Variants in PPP2R2C observed in about 807,000 individuals in gnomAD.
PPP2R2C encodes the protein protein phosphatase 2, regulatory subunit B, gamma.
PPP2R2C carries 10 observed loss-of-function variants against 45.3 expected under a neutral mutation model. The ratio of observed to expected loss-of-function variants is 0.22; its 90% CI spans 0.14 to 0.37. The LOEUF (loss-of-function observed/expected upper bound fraction) is 0.37, where lower values mean the gene tolerates loss of function less well. Among genes scored for constraint, PPP2R2C ranks in the 10% least tolerant of loss-of-function variants. The pLI is 1.00. For synonymous variants in PPP2R2C, 257 were observed against 245.4 expected (o/e 1.05, Z -0.44); for missense variants, 308 against 619.7 (o/e 0.50, Z 5.34).
At chr4:6,412,106 C>G (rs1718237441) in intron 1 of PPP2R2C, among the ~76,000 whole-genome samples, 1 of 152,206 alleles carries the variant, frequency 6.6e-6, no homozygotes, top group African/African-American at 2.4e-5. Flanking sequence ...ACAAAGGAGC[C>G]TGGCAAATCC....
At chr4:6,557,330 G>A (rs565722070) in intron 1 of PPP2R2C, among the ~76,000 whole-genome samples, 1 of 151,994 alleles carries the variant, frequency 6.6e-6, no homozygotes, top group Non-Finnish European at 1.5e-5. Flanking sequence ...CGAGAACACA[G>A]ATGAGTTCTT....
intron 1 of PPP2R2C, among the ~76,000 whole-genome samples, chr4:6,399,636 C>A (rs1288067123): frequency 6.6e-6 from 1 of 152,226 alleles, no homozygotes; most frequent in African/African-American, 2.4e-5. Flanking sequence ...GAAGCCATAG[C>A]CAGCGTGGGC....
chr4:6,396,225 T>C (rs1717024809), intron 1 of PPP2R2C, among the ~76,000 whole-genome samples: 2 of 152,162 alleles, frequency 1.3e-5, no homozygotes, highest in African/African-American at 4.8e-5. Flanking sequence ...CTTGATGCCA[T>C]GAAGTGCAGA....
At chr4:6,543,760 A>G (rs1011705907) in intron 1 of PPP2R2C, among the ~76,000 whole-genome samples, 2 of 152,156 alleles carry the variant, frequency 1.3e-5, no homozygotes, top group Non-Finnish European at 2.9e-5. Flanking sequence ...CCTGCTACCT[A>G]TGACCTCACA....
chr4:6,412,668 C>T (rs1202766588), intron 1 of PPP2R2C, among the ~76,000 whole-genome samples: 6 of 152,164 alleles, frequency 3.9e-5, no homozygotes, highest in African/African-American at 1.4e-4. Flanking sequence ...TGCAGCCCTG[C>T]AGGGAGAAGG....
At chr4:6,527,937 C>T (rs1172695694) in intron 2 of PPP2R2C, among the ~76,000 whole-genome samples, 2 of 152,212 alleles carry the variant, frequency 1.3e-5, no homozygotes, top group Non-Finnish European at 2.9e-5. Flanking sequence ...AAAGGAGGCA[C>T]AGCCCGTGAG....
chr4:6,407,584 A>G (rs1416325565), intron 1 of PPP2R2C, among the ~76,000 whole-genome samples: 1 of 152,100 alleles, frequency 6.6e-6, no homozygotes, highest in Non-Finnish European at 1.5e-5. Context: ...TATTTTTAGT[A>G]GAGACGGGGT....
upstream of PPP2R2C, among the ~76,000 whole-genome samples, chr4:6,476,429 A>G (rs930961881): frequency 6.6e-6 from 1 of 152,194 alleles, no homozygotes; most frequent in African/African-American, 2.4e-5. Context: ...CCGCCTTATA[A>G]GAAGAGACGT....
intron 1 of PPP2R2C, among the ~76,000 whole-genome samples, chr4:6,465,510 G>C (rs1284568984): frequency 6.6e-6 from 1 of 152,140 alleles, no homozygotes; most frequent in East Asian, 1.9e-4. Flanking sequence ...TATAATTCGT[G>C]GGGCACAGGG....
At chr4:6,382,343 C>G in intron 1 of PPP2R2C, 1 of 1,309,772 alleles carries the variant, frequency 7.6e-7, no homozygotes, top group East Asian at 5.2e-5. Flanking sequence ...AATGGATCTA[C>G]TTTCAAACCA....
chr4:6,548,870 G>T (rs571124663), intron 1 of PPP2R2C, among the ~76,000 whole-genome samples: 1 of 152,170 alleles, frequency 6.6e-6, no homozygotes, highest in East Asian at 1.9e-4. Flanking sequence ...CTTGAAGGGG[G>T]ATCTGAGCCT....
intron 1 of PPP2R2C, among the ~76,000 whole-genome samples, chr4:6,454,497 C>T (rs1229872552): frequency 6.6e-6 from 1 of 152,120 alleles, no homozygotes; most frequent in African/African-American, 2.4e-5. Context: ...AGGGGAGCCC[C>T]GCCTTCCAAC....
Position 6,343,741 on chromosome 4 carries a change from G to C in PPP2R2C, c.790+4105C>G, listed in dbSNP as rs58905667. 3.4e-3 allele frequency among the ~76,000 whole-genome samples: 521 copies of C among 152,168 alleles called. 5 individuals carry two copies. Among genetic ancestry groups the C allele is most frequent in the African/African-American group, 0.012 (506 of 41,524 alleles). On this transcript the variant is annotated intron_variant, in intron 6 of 8. Coordinates refer to ENST00000382599, the MANE Select transcript of PPP2R2C (RefSeq NM_020416.4). ...AAAAAATTCTTCTCTCCCTCAAAAG[G>C]ACACCAAATAGATTTGCACACAAGT...
intron 2 of PPP2R2C, among the ~76,000 whole-genome samples, chr4:6,528,508 A>G (rs377351127): frequency 2.8e-5 from 4 of 140,560 alleles, no homozygotes; most frequent in Admixed American, 7.2e-5. Flanking sequence ...CCCAGTCACC[A>G]GATCTGACCC....
At chr4:6,337,112 GTATATATATATATA>G (rs61657951) in intron 6 of PPP2R2C, among the ~76,000 whole-genome samples, 1,595 of 30,138 alleles carry the variant, frequency 0.053, 151 homozygotes, top group African/African-American at 0.15. Flanking sequence ...ATGTGTGTGT[GTATATATATATATA>G]TATATATATA....
intron 1 of PPP2R2C, among the ~76,000 whole-genome samples, chr4:6,458,555 C>A (rs1373927418): frequency 2.0e-5 from 3 of 152,204 alleles, no homozygotes; most frequent in African/African-American, 7.2e-5. Context: ...CATTGGGGGT[C>A]TGGATTTCAA....
Position 6,329,116 on chromosome 4 carries a change from G to GGAAAGC in PPP2R2C, c.1052+140_1052+145dup. ...GAGCGCTGAGAGTTGGACCTGCTCT[G>GGAAAGC]GAAAGCGTGGGCTTCACCCAGACAC... On this transcript the variant is annotated intron_variant, in intron 8 of 8. Transcript: ENST00000382599. The surrounding 1 kb of genome is among the most constrained non-coding windows in gnomAD (Gnocchi z 5.8). The GGAAAGC allele has an allele frequency of 1.4e-6, 1 of 693,912 alleles. No homozygotes were observed. The highest frequency in any genetic ancestry group is 2.5e-5 in the Admixed American group (1 of 39,800). The allele number at this position is 693,912 out of a possible 1,614,324, so 43.0% of individuals were successfully genotyped here. A position where few individuals can be genotyped will look rare whatever the true frequency, so the allele number is the denominator to read the frequency against.
At chr4:6,369,023 T>A (rs970502114) in intron 5 of PPP2R2C, among the ~76,000 whole-genome samples, 4 of 152,234 alleles carry the variant, frequency 2.6e-5, no homozygotes, top group African/African-American at 7.2e-5. Context: ...GGGATGTCTC[T>A]GTTTTGCACT....
intron 2 of PPP2R2C, among the ~76,000 whole-genome samples, chr4:6,498,739 G>A (rs551282034): frequency 2.0e-5 from 3 of 152,194 alleles, no homozygotes; most frequent in Admixed American, 6.5e-5. Context: ...GTGAGCTCCC[G>A]GGCTGTGCTA....
Sources: allele counts gnomAD v4.1 joint callset (sites outside exome capture counted in the v4.1 genomes callset), GRCh38; gene constraint gnomAD v4.1.1; non-coding constraint Gnocchi (gnomAD v3.1); transcripts MANE v1.5; gene names NCBI Gene and HGNC (gene_info 2026-07-23, HGNC 2026-07-21).